The following CCSER1 variants were observed in gnomAD, a reference collection of about 807,000 sequenced individuals.
CCSER1 encodes serine-rich coiled-coil domain-containing protein 1.
Under a neutral mutation model 82.0 loss-of-function variants are expected in CCSER1, and 41 were observed. The observed-to-expected ratio is 0.50, with a 90% CI of 0.39 to 0.65. The LOEUF (loss-of-function observed/expected upper bound fraction) is 0.65, where lower values mean the gene tolerates loss of function less well. Ranked by LOEUF, CCSER1 falls within the 30% of genes least tolerant of loss-of-function variation. CCSER1 has a pLI of 0.00. For synonymous variants in CCSER1, 414 were observed against 383.9 expected (o/e 1.08, Z -0.92); for missense variants, 1,119 against 1,064.2 (o/e 1.05, Z -0.72).
chr4:90,851,692 A>G (rs968637805), intron 8 of CCSER1, among the ~76,000 whole-genome samples: 1 of 151,880 alleles, frequency 6.6e-6, no homozygotes. Flanking sequence ...AACAATGTTC[A>G]CAAGGTTGTT....
At chr4:91,106,841 G>T (rs764454956) in intron 10 of CCSER1, among the ~76,000 whole-genome samples, 4 of 152,132 alleles carry the variant, frequency 2.6e-5, no homozygotes, top group Non-Finnish European at 5.9e-5. Flanking sequence ...CTCTATAGAT[G>T]AATTATAACT....
At chr4:90,459,659 T>A (rs1428343068) in intron 4 of CCSER1, among the ~76,000 whole-genome samples, 2 of 152,190 alleles carry the variant, frequency 1.3e-5, no homozygotes, top group Non-Finnish European at 2.9e-5. Context: ...TAATCTCTTC[T>A]TCTTAAAAGG....
At chr4:90,224,865 C>T (rs1560827579) in intron 1 of CCSER1, among the ~76,000 whole-genome samples, 2 of 152,026 alleles carry the variant, frequency 1.3e-5, no homozygotes, top group Non-Finnish European at 2.9e-5. Flanking sequence ...TTCTTAATGA[C>T]TCTGAATTTT....
intron 5 of CCSER1, among the ~76,000 whole-genome samples, chr4:90,562,465 A>G (rs1314750606): frequency 2.0e-5 from 3 of 152,194 alleles, no homozygotes; most frequent in African/African-American, 7.2e-5. Flanking sequence ...CTCCATTAAA[A>G]ATGCATTATA....
At chr4:90,895,423 G>T (rs1293634831) in intron 8 of CCSER1, among the ~76,000 whole-genome samples, 3 of 151,904 alleles carry the variant, frequency 2.0e-5, no homozygotes, top group African/African-American at 7.2e-5. Context: ...GTTTACAAGA[G>T]ATTGGTAACA....
chr4:90,167,235 G>A (rs1454052996), intron 1 of CCSER1, among the ~76,000 whole-genome samples: 2 of 151,984 alleles, frequency 1.3e-5, no homozygotes, highest in Non-Finnish European at 2.9e-5. Context: ...CTCATTTTAA[G>A]CATATAGTTA....
intron 10 of CCSER1, among the ~76,000 whole-genome samples, chr4:91,403,523 C>T (rs1472973220): frequency 3.9e-5 from 6 of 152,138 alleles, no homozygotes; most frequent in Non-Finnish European, 5.9e-5. Context: ...ATGATATTGG[C>T]TGTGGGTTTG....
chr4:91,155,184 T>C (rs1730689793), intron 10 of CCSER1, among the ~76,000 whole-genome samples: 1 of 151,952 alleles, frequency 6.6e-6, no homozygotes, highest in African/African-American at 2.4e-5. Flanking sequence ...CACCTTGAAT[T>C]GTAATAATCC....
rs186129536 is a variant in CCSER1, at chr4:90,650,115, G to A, written c.1932+21883G>A. On this transcript the variant is annotated intron_variant, in intron 6 of 10. Coordinates refer to ENST00000509176, the MANE Select transcript of CCSER1 (RefSeq NM_001145065.2). ...ACCTGTAATCCCAGCTACTCGGGAG[G>A]CTGAGGCAGGAGAGTTGCTTGAACC... 2.0e-3 allele frequency among the ~76,000 whole-genome samples: 310 copies of A among 152,230 alleles called. 3 individuals are homozygous for A. The highest frequency in any genetic ancestry group is 2.6e-3 in the Non-Finnish European group (176 of 68,008).
chr4:90,585,221 T>A (rs956406608), intron 5 of CCSER1, among the ~76,000 whole-genome samples: 1 of 152,170 alleles, frequency 6.6e-6, no homozygotes, highest in Non-Finnish European at 1.5e-5. Flanking sequence ...AAAAAACTGG[T>A]AATAGTTAAG....
intron 1 of CCSER1, among the ~76,000 whole-genome samples, chr4:90,151,513 A>C (rs1726836492): frequency 6.6e-6 from 1 of 152,050 alleles, no homozygotes; most frequent in African/African-American, 2.4e-5. Flanking sequence ...GCTACAAAAG[A>C]GATTAACAGG....
intron 10 of CCSER1, among the ~76,000 whole-genome samples, chr4:91,297,385 A>ATGTGTG (rs57164334): frequency 0.051 from 6,002 of 117,872 alleles, 119 homozygotes; most frequent in Middle Eastern, 0.082. Context: ...GTGTGTGTGT[A>ATGTGTG]TGTGTGTGTG....
At chr4:90,540,507 A>G (rs1282948182) in intron 5 of CCSER1, among the ~76,000 whole-genome samples, 1 of 152,120 alleles carries the variant, frequency 6.6e-6, no homozygotes, top group East Asian at 1.9e-4. Flanking sequence ...TATATTTCAA[A>G]ACTGTAATAG....
At chr4:90,361,388 T>G (rs992158852) in intron 3 of CCSER1, among the ~76,000 whole-genome samples, 4 of 152,252 alleles carry the variant, frequency 2.6e-5, no homozygotes, top group African/African-American at 9.6e-5. Flanking sequence ...AAATTACAAC[T>G]TACTTTCTTC....
chr4:91,411,498 ATATATATAT>A (rs1753028512), intron 10 of CCSER1, among the ~76,000 whole-genome samples: 1 of 59,864 alleles, frequency 1.7e-5, no homozygotes, highest in South Asian at 4.8e-4. Flanking sequence ...ATACATATAT[ATATATATAT>A]ATATATATAT....
intron 10 of CCSER1, among the ~76,000 whole-genome samples, chr4:91,299,240 C>A (rs1211512037): frequency 1.3e-5 from 2 of 151,916 alleles, no homozygotes; most frequent in Non-Finnish European, 2.9e-5. Flanking sequence ...TGAATTAAAG[C>A]ATACTTGTTT....
At chr4:90,298,114 A>G (rs1319549044) in intron 1 of CCSER1, among the ~76,000 whole-genome samples, 3 of 152,082 alleles carry the variant, frequency 2.0e-5, no homozygotes, top group African/African-American at 4.8e-5. Context: ...CTGTGAATCC[A>G]TCTGGTCCTG....
chr4:91,224,267 T>C (rs1439485601), intron 10 of CCSER1, among the ~76,000 whole-genome samples: 2 of 152,026 alleles, frequency 1.3e-5, no homozygotes, highest in Non-Finnish European at 2.9e-5. Context: ...TTTAACGAAA[T>C]GGTAATTTAT....
intron 8 of CCSER1, among the ~76,000 whole-genome samples, chr4:90,821,623 T>C (rs930504667): frequency 6.6e-6 from 1 of 152,112 alleles, no homozygotes; most frequent in African/African-American, 2.4e-5. Flanking sequence ...AGACCAAAAG[T>C]CTAAACATAA....
Sources: gnomAD v4.1 joint callset for allele counts (sites outside exome capture counted in the v4.1 genomes callset) on GRCh38, gnomAD v4.1.1 for gene constraint, MANE v1.5 for transcripts, NCBI Gene and HGNC (gene_info 2026-07-23, HGNC 2026-07-21) for gene names.